Variants in MLIP observed in about 807,000 individuals in gnomAD.
The protein encoded by MLIP is muscular LMNA-interacting protein.
MLIP carries 79 observed loss-of-function variants against 84.8 expected under a neutral mutation model. The observed-to-expected ratio is 0.93, with a 90% CI of 0.78 to 1.12. MLIP has a LOEUF of 1.12. MLIP is among the 50% of genes most tolerant of loss of function. The pLI is 0.00. For missense variants in MLIP, 1,257 were observed against 1,160.6 expected (o/e 1.08, Z -1.21); for synonymous variants, 504 against 463.0 (o/e 1.09, Z -1.14).
intron 11 of MLIP, among the ~76,000 whole-genome samples, chr6:54,207,029 A>G (rs911707387): frequency 1.3e-5 from 2 of 152,106 alleles, no homozygotes; most frequent in Middle Eastern, 3.2e-3. Context: ...GAAATGAATT[A>G]GTGGTTTGCT....
At chr6:54,023,135 C>T (rs1347640250) in intron 1 of MLIP, among the ~76,000 whole-genome samples, 1 of 150,874 alleles carries the variant, frequency 6.6e-6, no homozygotes, top group African/African-American at 2.4e-5. Flanking sequence ...CCACTGCACT[C>T]CAGCCTGGGC....
At chr6:54,188,264 T>C (rs1226701803) in intron 9 of MLIP, among the ~76,000 whole-genome samples, 1 of 152,212 alleles carries the variant, frequency 6.6e-6, no homozygotes, top group African/African-American at 2.4e-5. Context: ...ATTAAGTTTA[T>C]GTTTTTCTTT....
chr6:54,186,240 T>C (rs1467838754), intron 9 of MLIP, among the ~76,000 whole-genome samples: 1 of 152,252 alleles, frequency 6.6e-6, no homozygotes, highest in Non-Finnish European at 1.5e-5. Flanking sequence ...AAATAAGCTC[T>C]GAAATATTTG....
At chr6:54,149,447 T>C (rs1017501039) in intron 5 of MLIP, among the ~76,000 whole-genome samples, 2 of 152,156 alleles carry the variant, frequency 1.3e-5, no homozygotes, top group Non-Finnish European at 2.9e-5. Flanking sequence ...AACTTCCATA[T>C]CAAGAACTTT....
chr6:54,110,577 A>T (rs533071441), upstream of MLIP, among the ~76,000 whole-genome samples: 4 of 152,334 alleles, frequency 2.6e-5, no homozygotes, highest in East Asian at 7.7e-4. Context: ...CCATAATCTC[A>T]GGCTTTTGAT....
chr6:54,155,419 G>A (rs953969024), intron 5 of MLIP, among the ~76,000 whole-genome samples: 3 of 151,958 alleles, frequency 2.0e-5, no homozygotes, highest in Non-Finnish European at 4.4e-5. Flanking sequence ...TAATTTTGGG[G>A]GATTGATTTG....
intron 3 of MLIP, among the ~76,000 whole-genome samples, chr6:54,134,833 G>A (rs1274928195): frequency 6.6e-6 from 1 of 152,018 alleles, no homozygotes; most frequent in Non-Finnish European, 1.5e-5. Flanking sequence ...TGTGACTGCT[G>A]TTATTAATTT....
chr6:54,187,585 G>A (rs535951043), intron 9 of MLIP, among the ~76,000 whole-genome samples: 58 of 152,228 alleles, frequency 3.8e-4, no homozygotes, highest in African/African-American at 1.3e-3. Context: ...CTAACATGCA[G>A]TTAAAGAAAA....
chr6:54,153,037 A>G (rs571856039), intron 5 of MLIP, among the ~76,000 whole-genome samples: 126 of 152,230 alleles, frequency 8.3e-4, no homozygotes, highest in African/African-American at 2.9e-3. Flanking sequence ...GGCTAGGTAC[A>G]ATGTTCCTAA....
intron 1 of MLIP, among the ~76,000 whole-genome samples, chr6:54,074,349 G>C (rs1766662889): frequency 6.6e-6 from 1 of 152,102 alleles, no homozygotes; most frequent in Non-Finnish European, 1.5e-5. Context: ...TGGTGTGGGA[G>C]GTGAGTAAGC....
chr6:54,068,709 G>A (rs10456170), intron 1 of MLIP, among the ~76,000 whole-genome samples: 16,708 of 100,134 alleles, frequency 0.17, 6,655 homozygotes, highest in Admixed American at 0.36. Flanking sequence ...TTTTAACCTC[G>A]TTTCCCATGA....
At chr6:54,188,458 T>A (rs1022162441) in intron 9 of MLIP, among the ~76,000 whole-genome samples, 2 of 152,148 alleles carry the variant, frequency 1.3e-5, no homozygotes, top group Admixed American at 1.3e-4. Flanking sequence ...ATTTTTATTT[T>A]TTATTTATTA....
At chr6:54,138,600 A>G (rs1033571376) in intron 4 of MLIP, among the ~76,000 whole-genome samples, 1 of 152,220 alleles carries the variant, frequency 6.6e-6, no homozygotes, top group Non-Finnish European at 1.5e-5. Context: ...CCCTAATGAC[A>G]GAATTAAAAG....
At chr6:54,081,976 A>G (rs975012657) in intron 1 of MLIP, among the ~76,000 whole-genome samples, 2 of 151,916 alleles carry the variant, frequency 1.3e-5, no homozygotes, top group Non-Finnish European at 1.5e-5. Flanking sequence ...TCCCTGTCTC[A>G]TTCTCCCCAA....
intron 1 of MLIP, among the ~76,000 whole-genome samples, chr6:54,041,774 C>T (rs946186572): frequency 1.3e-5 from 2 of 151,864 alleles, no homozygotes; most frequent in African/African-American, 4.8e-5. Context: ...ATTTTGCTGT[C>T]GATTAGTTTA....
intron 9 of MLIP, among the ~76,000 whole-genome samples, chr6:54,172,161 C>A (rs773467722): frequency 1.3e-5 from 2 of 151,604 alleles, no homozygotes; most frequent in African/African-American, 2.4e-5. Context: ...TCTGAGAGTT[C>A]TTTAAAAGTA....
intron 12 of MLIP, among the ~76,000 whole-genome samples, chr6:54,239,922 T>C (rs890068652): frequency 1.3e-5 from 2 of 152,216 alleles, no homozygotes; most frequent in Non-Finnish European, 2.9e-5. Flanking sequence ...TTAGTGCCCC[T>C]CTGTTTATCA....
At chr6:54,132,560 A>G (rs1771471010) in intron 3 of MLIP, among the ~76,000 whole-genome samples, 2 of 152,214 alleles carry the variant, frequency 1.3e-5, no homozygotes, top group Admixed American at 1.3e-4. Flanking sequence ...TCTGTTGAGC[A>G]TAATGGGAGA....
At chr6:54,078,709 A>ATTTTT (rs1472822621) in intron 1 of MLIP, among the ~76,000 whole-genome samples, 1 of 42,618 alleles carries the variant, frequency 2.3e-5, no homozygotes. Context: ...TTTTTTTTTG[A>ATTTTT]GATGGAGTCT....
Sources: allele counts gnomAD v4.1 joint callset (sites outside exome capture counted in the v4.1 genomes callset), GRCh38; gene constraint gnomAD v4.1.1; transcripts MANE v1.5; gene names NCBI Gene and HGNC (gene_info 2026-07-23, HGNC 2026-07-21).